The following NTN1 variants were observed in gnomAD, a reference collection of about 807,000 sequenced individuals.
The protein encoded by NTN1 is netrin 1.
A neutral mutation model predicts 54.2 loss-of-function variants in NTN1; 11 were observed. The observed-to-expected ratio is 0.20, with a 90% confidence interval of 0.13 to 0.34. NTN1 has a LOEUF of 0.34. Among genes scored for constraint, NTN1 ranks in the 10% least tolerant of loss-of-function variants. The pLI, the probability that NTN1 is intolerant of heterozygous loss-of-function variation, is 1.00. For synonymous variants in NTN1, 371 were observed against 382.0 expected (o/e 0.97, Z 0.33); for missense variants, 740 against 893.1 (o/e 0.83, Z 2.18).
the NTN1 span, among the ~76,000 whole-genome samples, chr17:9,010,135 A>G: frequency 6.6e-6 from 1 of 152,170 alleles, no homozygotes; most frequent in African/African-American, 2.4e-5. Context: ...TTCAGCAGTC[A>G]CCATGTCCCC....
the NTN1 span, among the ~76,000 whole-genome samples, chr17:9,007,173 CTTCT>C: frequency 7.0e-6 from 1 of 142,412 alleles, no homozygotes; most frequent in Non-Finnish European, 1.5e-5. Context: ...TCTTTCCTTC[CTTCT>C]CTCTCTTCCC....
intron 5 of NTN1, 108 bp downstream of exon 5, chr17:9,183,077 G>C: frequency 4.4e-6 from 5 of 1,148,600 alleles, no homozygotes; most frequent in South Asian, 1.2e-5. Flanking sequence ...TCTAACCACT[G>C]TCCGGGCTCT....
intron 3 of NTN1, among the ~76,000 whole-genome samples, chr17:9,166,192 C>G (rs184974777): frequency 1.0e-4 from 11 of 109,368 alleles, no homozygotes; most frequent in Non-Finnish European, 1.5e-4. Flanking sequence ...ACCACCACCA[C>G]CACCACCACC....
At chr17:9,179,617 C>T (rs950534560) in intron 3 of NTN1, among the ~76,000 whole-genome samples, 190 bp from the exon 4 acceptor site, 4 of 152,158 alleles carry the variant, frequency 2.6e-5, no homozygotes, top group South Asian at 2.1e-4. Context: ...TTTTATTCTC[C>T]GTTTCCAGGT....
chr17:9,194,997 C>T (rs960984616), intron 5 of NTN1, among the ~76,000 whole-genome samples: 1 of 152,148 alleles, frequency 6.6e-6, no homozygotes, highest in African/African-American at 2.4e-5. Context: ...AGTTTCCCCT[C>T]TCTTCTTTCT....
intron 3 of NTN1, among the ~76,000 whole-genome samples, chr17:9,169,488 G>C (rs2097403771): frequency 1.3e-5 from 2 of 152,166 alleles, no homozygotes; most frequent in Admixed American, 6.6e-5. Context: ...GGACACCCTT[G>C]GCCCATCCAT....
intron 2 of NTN1, among the ~76,000 whole-genome samples, chr17:9,160,769 A>G (rs951761697): frequency 2.6e-5 from 4 of 152,142 alleles, no homozygotes; most frequent in African/African-American, 7.2e-5. Context: ...CCTGGGCAAC[A>G]TGGTGAAACC....
At chr17:9,169,844 G>T (rs923735409) in intron 3 of NTN1, among the ~76,000 whole-genome samples, 3 of 152,208 alleles carry the variant, frequency 2.0e-5, no homozygotes, top group Admixed American at 1.3e-4. Flanking sequence ...CAGCCTGGGT[G>T]ACAGGGCGAG....
chr17:9,055,596 T>C (rs2091976505), intron 2 of NTN1, among the ~76,000 whole-genome samples: 1 of 152,134 alleles, frequency 6.6e-6, no homozygotes, highest in South Asian at 2.1e-4. Flanking sequence ...GAGGTCCTGG[T>C]GCAGGAAGGA....
intron 2 of NTN1, among the ~76,000 whole-genome samples, chr17:9,124,021 A>G (rs551276841): frequency 6.6e-6 from 1 of 152,090 alleles, no homozygotes; most frequent in East Asian, 1.9e-4. Context: ...TGAACCAGCA[A>G]ATGCTCAGGT....
chr17:9,073,113 C>T (rs1406842038), intron 2 of NTN1, among the ~76,000 whole-genome samples: 1 of 152,238 alleles, frequency 6.6e-6, no homozygotes, highest in African/African-American at 2.4e-5. Context: ...AGCCTGGCAG[C>T]TGTGATTCAC....
At chr17:9,004,201 A>T in the NTN1 span, among the ~76,000 whole-genome samples, 1 of 152,196 alleles carries the variant, frequency 6.6e-6, no homozygotes, top group African/African-American at 2.4e-5. Flanking sequence ...GCCAAAGAGG[A>T]GGGCCCGCGG....
At chr17:9,172,577 A>G (rs1490543321) in intron 3 of NTN1, among the ~76,000 whole-genome samples, 1 of 152,218 alleles carries the variant, frequency 6.6e-6, no homozygotes, top group Non-Finnish European at 1.5e-5. Flanking sequence ...AAAGATGTAA[A>G]TGACTCTCAA....
Position 9,219,658 on chromosome 17 carries a change from C to T in NTN1, c.1412-1510C>T, listed in dbSNP as rs1270862776. On this transcript the variant is annotated intron_variant, in intron 5 of 6. Transcript: ENST00000173229. The surrounding 1 kb of genome is among the most constrained non-coding windows in gnomAD (Gnocchi z 4.5). ...CCCTGGAGAGGTCTCCCTGAACACT[C>T]CCTGCAGATCTAAGTCCTGGGTTGG... Among the ~76,000 whole-genome samples, 1 of 152,238 alleles carries T rather than the reference C, an allele frequency of 6.6e-6. No individual in the cohort carries two copies. Among genetic ancestry groups the T allele is most frequent in the Non-Finnish European group, 1.5e-5 (1 of 68,038 alleles).
chr17:9,068,026 T>C (rs530995590), intron 2 of NTN1, among the ~76,000 whole-genome samples: 1 of 152,260 alleles, frequency 6.6e-6, no homozygotes, highest in Admixed American at 6.5e-5. Context: ...CTGAGCAACA[T>C]AGAGCAGTCT....
At chr17:9,163,368 G>GC (rs1453684688) in intron 3 of NTN1, among the ~76,000 whole-genome samples, 4 of 152,056 alleles carry the variant, frequency 2.6e-5, no homozygotes. Context: ...CCAGAGGGCT[G>GC]CGAGTCATGT....
At chr17:9,201,072 C>T (rs1361820739) in intron 5 of NTN1, among the ~76,000 whole-genome samples, 1 of 152,120 alleles carries the variant, frequency 6.6e-6, no homozygotes, top group African/African-American at 2.4e-5. Flanking sequence ...AGTGGCATAG[C>T]TGGAAACTTG....
At chr17:9,155,094 C>G (rs1455008236) in intron 2 of NTN1, among the ~76,000 whole-genome samples, 1 of 152,206 alleles carries the variant, frequency 6.6e-6, no homozygotes, top group African/African-American at 2.4e-5. Flanking sequence ...TGTCCTCTCC[C>G]CGTTGTTCCA....
At chr17:9,214,816 C>CAAAAG (rs1340660093) in intron 5 of NTN1, among the ~76,000 whole-genome samples, 2 of 152,086 alleles carry the variant, frequency 1.3e-5, no homozygotes, top group Admixed American at 1.3e-4. Flanking sequence ...AGTGAGACTC[C>CAAAAG]ATCTCAAAAA....
Sources: gnomAD v4.1 joint callset for allele counts (sites outside exome capture counted in the v4.1 genomes callset) on GRCh38, gnomAD v4.1.1 for gene constraint, Gnocchi (gnomAD v3.1) non-coding constraint, MANE v1.5 for transcripts, NCBI Gene and HGNC (gene_info 2026-07-23, HGNC 2026-07-21) for gene names.